The following TWSG1 variants were observed in gnomAD, a reference collection of about 807,000 sequenced individuals.
The protein encoded by TWSG1 is twisted gastrulation protein homolog 1.
In TWSG1, 15 loss-of-function variants were observed where a neutral mutation model predicts 23.0. The ratio of observed to expected loss-of-function variants is 0.65; its 90% CI spans 0.44 to 1.00. The LOEUF is 1.00. Among genes scored for constraint, TWSG1 ranks in the 50% least tolerant of loss-of-function variants. The pLI, the probability that TWSG1 is intolerant of heterozygous loss-of-function variation, is 0.00. For synonymous variants in TWSG1, 86 were observed against 92.8 expected (o/e 0.93, Z 0.42); for missense variants, 242 against 278.7 (o/e 0.87, Z 0.94).
chr18:9,344,007 C>T (rs1214369022), intron 2 of TWSG1, among the ~76,000 whole-genome samples: 1 of 152,168 alleles, frequency 6.6e-6, no homozygotes, highest in Non-Finnish European at 1.5e-5. Flanking sequence ...CTCAAACGAT[C>T]CTCTCACCTT....
chr18:9,353,873 G>A (rs2040512977), intron 2 of TWSG1, among the ~76,000 whole-genome samples: 1 of 152,156 alleles, frequency 6.6e-6, no homozygotes, highest in African/African-American at 2.4e-5. Context: ...ATTAAGTATT[G>A]CATTCCAAGT....
intron 3 of TWSG1, among the ~76,000 whole-genome samples, chr18:9,365,448 G>A (rs1193051025): frequency 1.3e-5 from 2 of 152,162 alleles, no homozygotes; most frequent in African/African-American, 2.4e-5. Flanking sequence ...GCCAAGGCAG[G>A]CGGATCACTT....
chr18:9,397,205 G>A (rs2040741573), intron 4 of TWSG1: 1 of 152,200 alleles, frequency 6.6e-6, no homozygotes, highest in Non-Finnish European at 1.5e-5. Flanking sequence ...CTGTTCATAA[G>A]ATAGCAACAA....
At chr18:9,378,915 G>A (rs7236396) in intron 3 of TWSG1, among the ~76,000 whole-genome samples, 52,592 of 151,888 alleles carry the variant, frequency 0.35, 9,206 homozygotes, top group Admixed American at 0.37. Context: ...TGGGAAATGA[G>A]AAAATGCTCA....
chr18:9,335,019 C>A, intron 1 of TWSG1, 99 bp downstream of exon 1: 1 of 152,146 alleles, frequency 6.6e-6, no homozygotes, highest in South Asian at 2.1e-4. Context: ...GGGGCCGCGG[C>A]GAGCTTCGCG....
intron 3 of TWSG1, 75 bp from the exon 4 acceptor site, chr18:9,396,205 C>T: frequency 1.3e-6 from 1 of 786,580 alleles, no homozygotes. Flanking sequence ...CTAGAAGTTA[C>T]ATAATTTTAA....
chr18:9,339,341 C>G (rs1251239622), intron 2 of TWSG1, among the ~76,000 whole-genome samples: 3 of 152,010 alleles, frequency 2.0e-5, no homozygotes, highest in Non-Finnish European at 4.4e-5. Flanking sequence ...AATTTTTTGG[C>G]TCTATTACAG....
Position 9,399,891 on chromosome 18 carries a change from T to C in TWSG1, c.*364T>C, listed in dbSNP as rs1003998338. 1.2e-5 allele frequency: 2 copies of C among 165,540 alleles called. No individual in the cohort carries two copies. Among genetic ancestry groups the C allele is most frequent in the African/African-American group, 4.8e-5 (2 of 41,728 alleles). 10.3% of individuals were successfully genotyped at this position (165,540 alleles called of 1,614,324 possible). A position where few individuals can be genotyped will look rare whatever the true frequency, so the allele number is the denominator to read the frequency against. On this transcript the variant is annotated 3_prime_UTR_variant, in exon 5 of 5. Transcript: ENST00000262120. ...CTTTGAAAGTGTTAGCAGAAGCATG[T>C]TGATGTGAATTATGATTTCTTCATG...
chr18:9,387,837 A>G (rs2040693093), intron 3 of TWSG1, among the ~76,000 whole-genome samples: 1 of 151,984 alleles, frequency 6.6e-6, no homozygotes, highest in Non-Finnish European at 1.5e-5. Context: ...TTTCAGTGTC[A>G]ATCTGTAAAA....
At chr18:9,365,716 C>G (rs2040575514) in intron 3 of TWSG1, among the ~76,000 whole-genome samples, 1 of 151,374 alleles carries the variant, frequency 6.6e-6, no homozygotes, top group Admixed American at 6.6e-5. Flanking sequence ...AAGAAAAAAA[C>G]TAGGCCAGGC....
intron 2 of TWSG1, among the ~76,000 whole-genome samples, chr18:9,352,617 A>G (rs1158217158): frequency 1.3e-5 from 2 of 152,156 alleles, no homozygotes; most frequent in South Asian, 2.1e-4. Flanking sequence ...AGTCCAAGTC[A>G]TTTGCTATCT....
intron 3 of TWSG1, among the ~76,000 whole-genome samples, chr18:9,364,385 A>G (rs991729071): frequency 6.6e-6 from 1 of 152,188 alleles, no homozygotes; most frequent in South Asian, 2.1e-4. Flanking sequence ...AATTGATCCC[A>G]TGAGTTCCGA....
At chr18:9,344,145 A>G (rs982004522) in intron 2 of TWSG1, among the ~76,000 whole-genome samples, 4 of 152,176 alleles carry the variant, frequency 2.6e-5, no homozygotes, top group Non-Finnish European at 5.9e-5. Flanking sequence ...TCCTCAAACG[A>G]TCCTCCTGCC....
At chr18:9,386,590 A>G (rs1406164755) in intron 3 of TWSG1, among the ~76,000 whole-genome samples, 2 of 150,714 alleles carry the variant, frequency 1.3e-5, no homozygotes, top group African/African-American at 4.8e-5. Context: ...AAAAAAAAAG[A>G]AAAAAGGAAG....
chr18:9,389,227 C>T (rs1345002921), intron 3 of TWSG1, among the ~76,000 whole-genome samples: 1 of 152,152 alleles, frequency 6.6e-6, no homozygotes, highest in African/African-American at 2.4e-5. Context: ...GTGCCCGCCT[C>T]AGCCTCCCAA....
At chr18:9,366,099 G>A (rs182877094) in intron 3 of TWSG1, among the ~76,000 whole-genome samples, 134 of 152,306 alleles carry the variant, frequency 8.8e-4, no homozygotes, top group African/African-American at 3.0e-3. Context: ...TTAGCATGTC[G>A]TGGAACACTA....
chr18:9,369,382 C>T (rs2040594460), intron 3 of TWSG1, among the ~76,000 whole-genome samples: 1 of 152,028 alleles, frequency 6.6e-6, no homozygotes, highest in Non-Finnish European at 1.5e-5. Context: ...AATTCTCATG[C>T]CTCAGCCTCC....
intron 2 of TWSG1, among the ~76,000 whole-genome samples, chr18:9,358,831 A>G (rs145790147): frequency 4.6e-5 from 7 of 152,304 alleles, no homozygotes; most frequent in Non-Finnish European, 8.8e-5. Flanking sequence ...CAGTTTTGTC[A>G]TAAGTTATTT....
At chr18:9,364,556 G>A (rs2040568568) in intron 3 of TWSG1, among the ~76,000 whole-genome samples, 1 of 152,148 alleles carries the variant, frequency 6.6e-6, no homozygotes, top group African/African-American at 2.4e-5. Flanking sequence ...ACTTTGGGAG[G>A]CCAAGAGGGG....
Sources: allele counts gnomAD v4.1 joint callset (sites outside exome capture counted in the v4.1 genomes callset), GRCh38; gene constraint gnomAD v4.1.1; transcripts MANE v1.5; gene names NCBI Gene and HGNC (gene_info 2026-07-23, HGNC 2026-07-21).